Variants in PREX1 observed in about 807,000 individuals in gnomAD.
PREX1 encodes the protein phosphatidylinositol-3,4,5-trisphosphate dependent Rac exchange factor 1.
Under a neutral mutation model 198.3 loss-of-function variants are expected in PREX1, and 41 were observed. That is an observed-to-expected ratio of 0.21 (90% CI 0.16 to 0.27). The LOEUF (loss-of-function observed/expected upper bound fraction) is 0.27. PREX1 is among the 10% of genes least tolerant of loss of function. The pLI, the probability that PREX1 is intolerant of heterozygous loss-of-function variation, is 1.00. For synonymous variants in PREX1, 843 were observed against 887.2 expected, an observed-to-expected ratio of 0.95 and a Z score of 0.89; for missense variants, 1,620 against 2,200.7, an observed-to-expected ratio of 0.74 and a Z score of 5.28.
At position 48,679,871 on chromosome 20, in the gene PREX1, C is replaced by A. The variant is rs1270839901; in HGVS notation, c.1436-117G>T. The A allele has an allele frequency of 1.4e-5, 11 of 770,508 alleles. No homozygotes were observed. In the East Asian group the frequency reaches 2.5e-4, roughly 18 times the overall value. 47.7% of individuals were successfully genotyped at this position (770,508 alleles called of 1,614,324 possible). ...CCCCCTCTGCCCCTCCCAGTCACAC[C>A]CACCAGCATCAGGCTTCACTGCTGG... On this transcript the variant is annotated intron_variant, in intron 11 of 39. Transcript: ENST00000371941.
chr20:48,625,747 AGGGAGGACGCTGGGCAGGTCCCGGAACG>A lies in PREX1; in HGVS notation c.*110_*137del. On this transcript the variant is annotated 3_prime_UTR_variant, in exon 40 of 40. Transcript: ENST00000371941. ...GGCCAGGCTTGTCCCGGAAGGAGGC[AGGGAGGACGCTGGGCAGGTCCCGGAACG>A]GGCGGCTGCGGAAGCCTTGGGCCAT... 1 of 1,057,376 alleles carries A rather than the reference AGGGAGGACGCTGGGCAGGTCCCGGAACG, an allele frequency of 9.5e-7. No homozygotes were observed. Among genetic ancestry groups the A allele is most frequent in the Non-Finnish European group, 1.3e-6 (1 of 757,344 alleles). The allele number at this position is 1,057,376 out of a possible 1,614,324, so 65.5% of individuals were successfully genotyped here.
chr20:48,764,802 G>T (rs118109152), intron 1 of PREX1, among the ~76,000 whole-genome samples: 1 of 140,154 alleles, frequency 7.1e-6, no homozygotes, highest in Non-Finnish European at 1.6e-5. Context: ...AAAAAAGAAA[G>T]AAAGAAAGAA....
chr20:48,818,077 G>A (rs2090466567), intron 1 of PREX1, among the ~76,000 whole-genome samples: 2 of 152,182 alleles, frequency 1.3e-5, no homozygotes, highest in Admixed American at 1.3e-4. Flanking sequence ...AGGAGGTGGA[G>A]GGCTGAGCCA....
chr20:48,721,701 C>T (rs1371705602), intron 5 of PREX1, among the ~76,000 whole-genome samples: 2 of 152,188 alleles, frequency 1.3e-5, no homozygotes, highest in Non-Finnish European at 2.9e-5. Flanking sequence ...GAACTGACTT[C>T]AGTTTAGCTG....
At chr20:48,838,087 G>A in the PREX1 span, among the ~76,000 whole-genome samples, 1 of 152,142 alleles carries the variant, frequency 6.6e-6, no homozygotes, top group African/African-American at 2.4e-5. Context: ...GCACTGCATG[G>A]CAAAGCTGCA....
rs1324486729 is a variant in PREX1, at chr20:48,639,787, T to C, written c.3883A>G (p.Asn1295Asp). ...CGACCTTCCACATATCTCTGAATGTTGTCCACCAGGGTCTTGATGGAGTTG... is the reference window on the plus strand; with the variant it reads ...CGACCTTCCACATATCTCTGAATGTCGTCCACCAGGGTCTTGATGGAGTTG... ...LPNSIKTLVDNIQRYVEDGKN... is the reference protein window; with the variant it reads ...LPNSIKTLVDDIQRYVEDGKN... The change falls in exon 30 of 40, where the codon AAC (asparagine) becomes GAC (aspartate). Residue 1295 changes from asparagine (N) to aspartate (D), a missense_variant. Transcript: ENST00000371941. The C allele has an allele frequency of 1.7e-5, 27 of 1,614,072 alleles. No homozygotes were observed. The highest frequency in any genetic ancestry group is 2.3e-5 in the Non-Finnish European group (27 of 1,179,964).
intron 1 of PREX1, among the ~76,000 whole-genome samples, chr20:48,793,778 C>G (rs1479988997): frequency 1.3e-5 from 2 of 152,228 alleles, no homozygotes; most frequent in Non-Finnish European, 2.9e-5. Flanking sequence ...TGGAGCATTA[C>G]ATGGAAGCAT....
chr20:48,670,292 A>C, intron 14 of PREX1, among the ~76,000 whole-genome samples: 1 of 129,882 alleles, frequency 7.7e-6, no homozygotes, highest in African/African-American at 2.8e-5. Context: ...TCCTACCCCA[A>C]CCCCTCTCTG....
intron 1 of PREX1, among the ~76,000 whole-genome samples, chr20:48,815,482 C>G (rs2090455010): frequency 6.6e-6 from 1 of 152,164 alleles, no homozygotes; most frequent in Non-Finnish European, 1.5e-5. Flanking sequence ...TCTGGAAAAG[C>G]CCTAATATGT....
rs1159107194 is a variant in PREX1, at chr20:48,661,444, A to AATATAT, written c.1739-1389_1739-1384dup. 6.1e-3 allele frequency among the ~76,000 whole-genome samples: 304 copies of AATATAT among 49,570 alleles called. 5 individuals are homozygous for AATATAT. Among genetic ancestry groups the AATATAT allele is most frequent in the Non-Finnish European group, 7.5e-3 (241 of 31,974 alleles). The allele number at this position is 49,570 out of a possible 152,430, so 32.5% of individuals were successfully genotyped here. ...CAAAAAAAAAAAAAAAAAAAAAAAA[A>AATATAT]ATATATATATATATATATATATATA... is the stretch of plus-strand genomic sequence containing the variant. On this transcript the variant is annotated intron_variant, in intron 15 of 39. Coordinates refer to ENST00000371941, the MANE Select transcript of PREX1 (RefSeq NM_020820.4).
chr20:48,651,411 G>A lies in PREX1; in HGVS notation c.2640C>T (p.Phe880=), dbSNP rs373448744. Residue 880 remains phenylalanine (F), a synonymous_variant, in exon 22 of 40, where the codon TTC becomes TTT. Coordinates refer to ENST00000371941, the MANE Select transcript of PREX1 (RefSeq NM_020820.4). ...LEKIVEPRGC[F]GLTAKILEAF... ...CCAAGGAGACCTTGGCGGTGAGGCCGAAGCAGCCGCGGGGCTCCACGATCT... is the reference window on the plus strand; with the variant it reads ...CCAAGGAGACCTTGGCGGTGAGGCCAAAGCAGCCGCGGGGCTCCACGATCT... 25 of 1,607,494 alleles carry A rather than the reference G, an allele frequency of 1.6e-5. No individual in the cohort carries two copies. The highest frequency in any genetic ancestry group is 1.9e-5 in the Non-Finnish European group (22 of 1,175,638).
intron 13 of PREX1, among the ~76,000 whole-genome samples, chr20:48,677,833 G>C (rs1233622661): frequency 7.0e-6 from 1 of 142,762 alleles, no homozygotes; most frequent in Non-Finnish European, 1.5e-5. Context: ...TAACAATATA[G>C]AAATTACCCA....
At chr20:48,799,785 AC>A (rs2090378584) in intron 1 of PREX1, among the ~76,000 whole-genome samples, 1 of 152,108 alleles carries the variant, frequency 6.6e-6, no homozygotes, top group African/African-American at 2.4e-5. Context: ...AGAAGAAAGT[AC>A]CCGTGTTCTC....
intron 1 of PREX1, among the ~76,000 whole-genome samples, chr20:48,798,559 G>A (rs974003238): frequency 3.3e-5 from 5 of 152,108 alleles, no homozygotes; most frequent in East Asian, 1.9e-4. Context: ...CAGCCTCCCC[G>A]CTGCACTTAA....
intron 3 of PREX1, among the ~76,000 whole-genome samples, chr20:48,743,030 G>C (rs1390854416): frequency 1.3e-5 from 2 of 152,162 alleles, no homozygotes; most frequent in East Asian, 3.9e-4. Flanking sequence ...ACCCCCTCCA[G>C]GAAGCAGGCC....
chr20:48,688,641 G>GCA lies in PREX1; in HGVS notation c.1334+15_1334+16insTG, dbSNP rs761915615. 3.7e-6 allele frequency: 6 copies of GCA among 1,613,918 alleles called. No homozygotes were observed. In the African/African-American group the frequency reaches 8.0e-5, roughly 22 times the overall value. ...AGAGCCCAGGGACCCAGGGAGTTCA[G>GCA]AGTGAGGCTACTCACTTGCCAAGAA... On this transcript the variant is annotated intron_variant, in intron 10 of 39. Coordinates refer to ENST00000371941, the MANE Select transcript of PREX1 (RefSeq NM_020820.4).
chr20:48,812,562 G>C (rs543505649), intron 1 of PREX1, among the ~76,000 whole-genome samples: 2 of 151,932 alleles, frequency 1.3e-5, no homozygotes, highest in African/African-American at 4.8e-5. Context: ...TTATATATTA[G>C]TATAATAATT....
chr20:48,791,730 G>A (rs745857302), intron 1 of PREX1, among the ~76,000 whole-genome samples: 9 of 152,178 alleles, frequency 5.9e-5, no homozygotes, highest in African/African-American at 9.7e-5. Context: ...AAGTCAACCC[G>A]GGGGCAGAGT....
intron 18 of PREX1, among the ~76,000 whole-genome samples, chr20:48,655,886 C>A (rs1353334516): frequency 6.6e-6 from 1 of 152,190 alleles, no homozygotes; most frequent in Non-Finnish European, 1.5e-5. Context: ...GGTGTCACTG[C>A]TCCTGGAGCA....
Sources: gnomAD v4.1 joint callset for allele counts (sites outside exome capture counted in the v4.1 genomes callset) on GRCh38, gnomAD v4.1.1 for gene constraint, MANE v1.5 for transcripts, NCBI Gene and HGNC (gene_info 2026-07-23, HGNC 2026-07-21) for gene names.